ZFAT: variants seen among roughly 807,000 people sequenced by gnomAD.
ZFAT encodes the protein zinc finger and AT-hook domain containing, also known as zinc finger protein ZFAT.
ZFAT carries 64 observed loss-of-function variants against 117.7 expected under a neutral mutation model. The ratio of observed to expected loss-of-function variants is 0.54; its 90% CI spans 0.44 to 0.67. The LOEUF (loss-of-function observed/expected upper bound fraction) is 0.67. ZFAT is among the 30% of genes least tolerant of loss of function. ZFAT has a pLI of 0.00. For missense variants in ZFAT, 1,433 were observed against 1,584.5 expected, an observed-to-expected ratio of 0.90 and a Z score of 1.62; for synonymous variants, 679 against 615.0, an observed-to-expected ratio of 1.10 and a Z score of -1.54.
At chr8:134,594,574 C>T (rs1345365131) in intron 7 of ZFAT, among the ~76,000 whole-genome samples, 1 of 152,184 alleles carries the variant, frequency 6.6e-6, no homozygotes, top group Non-Finnish European at 1.5e-5. Flanking sequence ...TGCACCACCG[C>T]CAATCACTAT....
the ZFAT span, among the ~76,000 whole-genome samples, chr8:134,781,408 A>G: frequency 2.0e-5 from 3 of 152,202 alleles, no homozygotes; most frequent in Admixed American, 2.0e-4. Context: ...ATCTTAACTT[A>G]CAGTTTACAA....
At chr8:134,531,404 T>C (rs1172362997) in intron 12 of ZFAT, among the ~76,000 whole-genome samples, 1 of 152,192 alleles carries the variant, frequency 6.6e-6, no homozygotes, top group Admixed American at 6.5e-5. Context: ...CATGGGGCAT[T>C]GGCGTGGGTC....
chr8:134,805,319 C>T, the ZFAT span, among the ~76,000 whole-genome samples: 29 of 152,284 alleles, frequency 1.9e-4, no homozygotes, highest in South Asian at 6.0e-3. Flanking sequence ...AGTGACCATA[C>T]ATTTCATGGA....
chr8:134,645,547 A>G (rs1431446064), intron 2 of ZFAT, among the ~76,000 whole-genome samples: 1 of 152,226 alleles, frequency 6.6e-6, no homozygotes, highest in Non-Finnish European at 1.5e-5. Context: ...ATTATTTAAT[A>G]AAAGAAAATA....
intron 10 of ZFAT, among the ~76,000 whole-genome samples, chr8:134,578,276 TG>T: frequency 6.6e-6 from 1 of 151,224 alleles, no homozygotes. Flanking sequence ...TTGGGTGTGG[TG>T]GTGGGTGCCT....
At chr8:134,570,631 G>A (rs1358782842) in intron 10 of ZFAT, among the ~76,000 whole-genome samples, 1 of 152,146 alleles carries the variant, frequency 6.6e-6, no homozygotes, top group Non-Finnish European at 1.5e-5. Flanking sequence ...GCATCCTGGA[G>A]GTAAGGCTAG....
intron 3 of ZFAT, among the ~76,000 whole-genome samples, chr8:134,631,839 G>A (rs1829913252): frequency 6.6e-6 from 1 of 152,132 alleles, no homozygotes; most frequent in Admixed American, 6.5e-5. Context: ...GACCAGATGA[G>A]GAACACATGG....
chr8:134,742,707 C>G, the ZFAT span, among the ~76,000 whole-genome samples: 4 of 152,218 alleles, frequency 2.6e-5, no homozygotes, highest in Non-Finnish European at 5.9e-5. Context: ...CCTGTGCTCC[C>G]TTCCCTCTCT....
At chr8:134,713,479 C>G (rs1439937068), upstream of ZFAT, among the ~76,000 whole-genome samples, 1 of 152,222 alleles carries the variant, frequency 6.6e-6, no homozygotes, top group Admixed American at 6.5e-5. Flanking sequence ...AAAGCTGCGG[C>G]GTTTCCCGAA....
At chr8:134,598,931 G>T (rs1827180861) in intron 7 of ZFAT, 1 of 152,206 alleles carries the variant, frequency 6.6e-6, no homozygotes, top group Non-Finnish European at 1.5e-5. Flanking sequence ...GGGAGCCAGG[G>T]TGAAAACCCA....
chr8:134,743,544 T>A, the ZFAT span, among the ~76,000 whole-genome samples: 10,009 of 152,196 alleles, frequency 0.066, 828 homozygotes, highest in African/African-American at 0.2. Flanking sequence ...CATTATACTT[T>A]AAAAATATAT....
chr8:134,572,579 C>T (rs1825001023), intron 10 of ZFAT, among the ~76,000 whole-genome samples: 2 of 152,158 alleles, frequency 1.3e-5, no homozygotes, highest in Admixed American at 6.5e-5. Flanking sequence ...CTTTCTCCCT[C>T]TTCTTCACAA....
intron 10 of ZFAT, among the ~76,000 whole-genome samples, chr8:134,582,073 G>A (rs1016330014): frequency 1.3e-5 from 2 of 152,176 alleles, no homozygotes; most frequent in Non-Finnish European, 2.9e-5. Flanking sequence ...TTGCATTCCT[G>A]CTTTGACAAC....
chr8:134,510,861 A>G (rs1819777106), intron 14 of ZFAT: 2 of 152,284 alleles, frequency 1.3e-5, no homozygotes, highest in African/African-American at 4.8e-5. Context: ...CCTAAGCCAG[A>G]CTGTAAGCAA....
chr8:134,619,345 C>T (rs1372151359), intron 3 of ZFAT, among the ~76,000 whole-genome samples: 3 of 152,178 alleles, frequency 2.0e-5, no homozygotes, highest in African/African-American at 7.2e-5. Context: ...ATGCATGTCA[C>T]TTTCACACCA....
At chr8:134,570,464 A>G (rs548993357) in intron 10 of ZFAT, among the ~76,000 whole-genome samples, 2 of 152,240 alleles carry the variant, frequency 1.3e-5, no homozygotes, top group East Asian at 1.9e-4. Context: ...TTTTCGCCTC[A>G]TGACAGTGGA....
chr8:134,480,669 C>G lies in ZFAT; in HGVS notation c.3493-1948G>C, dbSNP rs1817236404. On this transcript the variant is annotated intron_variant, in intron 15 of 15. Coordinates refer to ENST00000377838, the MANE Select transcript of ZFAT (RefSeq NM_020863.4). Reference sequence around the variant, plus strand: ...GAGATGGGCATAGGGACTGGGGAGCCATGACTCCCAGGAGGTGTAGGGAGC... The same window carrying G: ...GAGATGGGCATAGGGACTGGGGAGCGATGACTCCCAGGAGGTGTAGGGAGC... Among the ~76,000 whole-genome samples the G allele has an allele frequency of 1.3e-5, 2 of 152,226 alleles. 1 individual carries two copies. Among genetic ancestry groups the G allele is most frequent in the Non-Finnish European group, 2.9e-5 (2 of 68,036 alleles).
intron 4 of ZFAT, 29 bp downstream of exon 4, chr8:134,610,441 C>G (rs778752066): frequency 1.2e-6 from 2 of 1,601,922 alleles, no homozygotes; most frequent in South Asian, 2.3e-5. Flanking sequence ...AAGGGTCTTG[C>G]CTTTTCCTTT....
upstream of ZFAT, among the ~76,000 whole-genome samples, chr8:134,717,506 C>T (rs1430046441): frequency 6.4e-4 from 5 of 7,756 alleles, no homozygotes; most frequent in Admixed American, 2.4e-3. Flanking sequence ...TTTTTTGAGA[C>T]GGAGTCTCAC....
Sources: gnomAD v4.1 joint callset for allele counts (sites outside exome capture counted in the v4.1 genomes callset) on GRCh38, gnomAD v4.1.1 for gene constraint, MANE v1.5 for transcripts, NCBI Gene and HGNC (gene_info 2026-07-23, HGNC 2026-07-21) for gene names.